Variants in WNT8A observed in about 807,000 individuals in gnomAD.
WNT8A encodes the protein Wnt family member 8A.
In WNT8A, 14 loss-of-function variants were observed where a neutral mutation model predicts 20.5. The observed-to-expected ratio is 0.68, with a 90% CI of 0.45 to 1.07. The LOEUF is 1.07. Ranked by LOEUF, WNT8A falls within the 50% of genes least tolerant of loss-of-function variation. The pLI is 0.00. For missense variants in WNT8A, 397 were observed against 462.9 expected (o/e 0.86, Z 1.31); for synonymous variants, 167 against 169.2 (o/e 0.99, Z 0.10).
intron 2 of WNT8A, among the ~76,000 whole-genome samples, chr5:138,086,720 T>C (rs1750673866): frequency 6.7e-6 from 1 of 149,598 alleles, no homozygotes. Context: ...CTGGGCAACA[T>C]AGTGAGACCC....
chr5:138,091,033 C>A lies in WNT8A; in HGVS notation c.1070C>A (p.Ser357Tyr). The change falls in exon 5 of 5, where the codon TCC becomes TAC. Residue 357 changes from serine to tyrosine, a missense_variant. Ser to Tyr is a moderately radical substitution (Grantham distance 144). Transcript: ENST00000506684. The stretch of plus-strand genomic sequence containing the variant: ...GTGAGCAAGTATTACTGCGCACGCT[C>A]CCCAGGCAGTGCCCAGTCCCTGGGT... ...HVVSKYYCARSPGSAQSLGKG... is the reference protein window; with the variant it reads ...HVVSKYYCARYPGSAQSLGKG... 2 of 1,613,538 alleles carry A rather than the reference C, an allele frequency of 1.2e-6. No homozygotes were observed. Among genetic ancestry groups the A allele is most frequent in the South Asian group, 2.2e-5 (2 of 91,052 alleles).
At chr5:138,077,931 C>T in the WNT8A span, among the ~76,000 whole-genome samples, 1 of 152,202 alleles carries the variant, frequency 6.6e-6, no homozygotes, top group South Asian at 2.1e-4. Flanking sequence ...AGACTGATCC[C>T]CCCTCATATG....
At chr5:138,084,430 C>T (rs1750592727) in intron 1 of WNT8A, 68 bp from the exon 2 acceptor site, 1 of 1,552,086 alleles carries the variant, frequency 6.4e-7, no homozygotes, top group Non-Finnish European at 8.7e-7. Context: ...CATCTGAGTC[C>T]TGCCTGCTCC....
At chr5:138,088,457 C>T (rs951951521) in intron 3 of WNT8A, among the ~76,000 whole-genome samples, 27 of 151,480 alleles carry the variant, frequency 1.8e-4, no homozygotes, top group East Asian at 1.8e-3. Flanking sequence ...CCCAGGTTCA[C>T]GCCATTCTCC....
intron 4 of WNT8A, 148 bp downstream of exon 4, chr5:138,089,217 A>G: frequency 8.0e-7 from 1 of 1,249,154 alleles, no homozygotes; most frequent in Non-Finnish European, 1.1e-6. Context: ...GACAAAACCA[A>G]TTAAATCTGA....
At chr5:138,080,239 C>T (rs1377962662), upstream of WNT8A, among the ~76,000 whole-genome samples, 1 of 149,868 alleles carries the variant, frequency 6.7e-6, no homozygotes, top group Non-Finnish European at 1.5e-5. Flanking sequence ...ATGAGAATGG[C>T]TTTGAACCCA....
Position 138,087,816 on chromosome 5 carries a change from G to A in WNT8A, c.306G>A (p.Glu102=). 1.2e-6 allele frequency: 2 copies of A among 1,613,950 alleles called. No individual in the cohort carries two copies. The highest frequency in any genetic ancestry group is 1.7e-6 in the Non-Finnish European group (2 of 1,179,908). The part of the protein sequence containing the change: ...THNRLRSATR[E]TSFIHAISSA... ...TCTCTCTCTCCAAAGCTACCAGAGA[G>A]ACTTCCTTCATACATGCTATCAGCT... Residue 102 remains glutamate, a synonymous_variant, in exon 3 of 5, where the codon GAG becomes GAA. Transcript: ENST00000506684.
chr5:138,088,866 G>A (rs1419635638), intron 3 of WNT8A, 61 bp from the exon 4 acceptor site: 2 of 1,582,784 alleles, frequency 1.3e-6, no homozygotes, highest in African/African-American at 1.3e-5. Context: ...GGGGTGGTTT[G>A]GCGGGTGACT....
At chr5:138,087,546 A>G (rs1750705318) in intron 2 of WNT8A, among the ~76,000 whole-genome samples, 1 of 144,046 alleles carries the variant, frequency 6.9e-6, no homozygotes, top group Admixed American at 7.2e-5. Flanking sequence ...CCAGCCAGCT[A>G]CTCAGGAGGC....
chr5:138,077,424 A>T, the WNT8A span, among the ~76,000 whole-genome samples: 1 of 152,224 alleles, frequency 6.6e-6, no homozygotes, highest in African/African-American at 2.4e-5. Flanking sequence ...GACCAGAATG[A>T]GAGCTTCTAC....
intron 3 of WNT8A, 47 bp downstream of exon 3, chr5:138,087,978 G>A: frequency 6.2e-7 from 1 of 1,607,650 alleles, no homozygotes; most frequent in African/African-American, 1.3e-5. Flanking sequence ...AGGGGCTACA[G>A]AGCTGAGTGC....
chr5:138,084,402 C>T, intron 1 of WNT8A, 96 bp from the exon 2 acceptor site: 1 of 1,549,096 alleles, frequency 6.5e-7, no homozygotes, highest in Non-Finnish European at 8.7e-7. Context: ...ATGGTTGATT[C>T]TTAATGGAGA....
Position 138,091,509 on chromosome 5 carries a change from G to A in WNT8A, c.*436G>A, listed in dbSNP as rs755768946. The A allele has an allele frequency of 7.5e-7, 1 of 1,332,806 alleles. No individual in the cohort carries two copies. Among genetic ancestry groups the A allele is most frequent in the South Asian group, 1.2e-5 (1 of 86,454 alleles). 82.6% of individuals were successfully genotyped at this position (1,332,806 alleles called of 1,614,324 possible). A position where few individuals can be genotyped will look rare whatever the true frequency, so the allele number is the denominator to read the frequency against. ...GTTCTGTTCAGACTTCTGAAGAGCA[G>A]CCTGTGGCTACAAATCTATGCTGAT... On this transcript the variant is annotated 3_prime_UTR_variant, in exon 5 of 5. Coordinates refer to ENST00000506684, the MANE Select transcript of WNT8A (RefSeq NM_001300939.2).
In WNT8A at chr5:138,090,840, T is replaced by G; in HGVS notation, c.877T>G (p.Cys293Gly). 1 of 1,614,094 alleles carries G rather than the reference T, an allele frequency of 6.2e-7. No homozygotes were observed. Among genetic ancestry groups the G allele is most frequent in the Non-Finnish European group, 8.5e-7 (1 of 1,180,008 alleles). ...CATCTATGGCACAGAGGGTCGTGAG[T>G]GCCTACAGAACAGCCACAACACATC... ...LGIYGTEGRE[C>G]LQNSHNTSRW... Residue 293 changes from cysteine (C) to glycine (G), a missense_variant, in exon 5 of 5, where the codon TGC becomes GGC. By Grantham distance (159) the Cys-to-Gly change is radical. Coordinates refer to ENST00000506684, the MANE Select transcript of WNT8A (RefSeq NM_001300939.2).
Position 138,087,955 on chromosome 5 carries a change from G to T in WNT8A, c.421+24G>T, listed in dbSNP as rs560703835. On this transcript the variant is annotated intron_variant, in intron 3 of 4. Coordinates refer to ENST00000506684, the MANE Select transcript of WNT8A (RefSeq NM_001300939.2). ...AGGTAAGTTGAGCTTTCTAATGGGG[G>T]TGGGAAGAGGTGAGGGGCTACAGAG... 1.6e-5 allele frequency: 26 copies of T among 1,612,072 alleles called. No homozygotes were observed. The South Asian group carries it at 1.9e-4, about 12-fold the overall frequency.
chr5:138,091,478 GAA>G lies in WNT8A; in HGVS notation c.*407_*408del. On this transcript the variant is annotated 3_prime_UTR_variant, in exon 5 of 5. Coordinates refer to ENST00000506684, the MANE Select transcript of WNT8A (RefSeq NM_001300939.2). ...AATCAGGAGAATAGAAGCAAAAAACGAAAGAGTTCTGTTCAGACTTCTGAAGA... is the reference window on the plus strand; with the variant it reads ...AATCAGGAGAATAGAAGCAAAAAACGAGAGTTCTGTTCAGACTTCTGAAGA... 5.9e-6 allele frequency: 8 copies of G among 1,351,944 alleles called. No individual in the cohort carries two copies. The highest frequency in any genetic ancestry group is 7.8e-6 in the Non-Finnish European group (8 of 1,022,174). The allele number at this position is 1,351,944 out of a possible 1,614,324, so 83.7% of individuals were successfully genotyped here.
At chr5:138,084,998 G>A (rs962618164) in intron 2 of WNT8A, among the ~76,000 whole-genome samples, 2 of 152,010 alleles carry the variant, frequency 1.3e-5, no homozygotes, top group Non-Finnish European at 2.9e-5. Context: ...GTGCAATGGC[G>A]CAATCTCGGC....
chr5:138,089,179 T>C (rs1750769640), intron 4 of WNT8A, 110 bp downstream of exon 4: 12 of 1,447,696 alleles, frequency 8.3e-6, no homozygotes, highest in African/African-American at 1.4e-5. Context: ...CCCAGCCAGA[T>C]TGAGATGGCT....
In WNT8A at chr5:138,089,127, C is replaced by T. The variant is rs1299362127; in HGVS notation, c.564+58C>T. 14 of 1,577,004 alleles carry T rather than the reference C, an allele frequency of 8.9e-6. No homozygotes were observed. In the African/African-American group the frequency reaches 1.4e-4, roughly 15 times the overall value. On this transcript the variant is annotated intron_variant, in intron 4 of 4. Transcript: ENST00000506684. ...AGCTTCACATCTGCCCGGCCCTTCA[C>T]AATTTACCAAGAGCTGTCTTATACG...
Sources: gnomAD v4.1 joint callset for allele counts (sites outside exome capture counted in the v4.1 genomes callset) on GRCh38, gnomAD v4.1.1 for gene constraint, MANE v1.5 for transcripts, NCBI Gene and HGNC (gene_info 2026-07-23, HGNC 2026-07-21) for gene names.